Variants in XPR1 observed in about 807,000 individuals in gnomAD.
The protein encoded by XPR1 is xenotropic and polytropic retrovirus receptor 1.
In XPR1, 28 loss-of-function variants were observed where a neutral mutation model predicts 87.5. The observed-to-expected ratio is 0.32, with a 90% confidence interval of 0.24 to 0.44. XPR1 has a LOEUF of 0.44. XPR1 is among the 20% of genes least tolerant of loss of function. The pLI is 1.00. For synonymous variants in XPR1, 300 were observed against 306.1 expected (o/e 0.98, Z 0.21); for missense variants, 559 against 862.3 (o/e 0.65, Z 4.41).
intron 7 of XPR1, among the ~76,000 whole-genome samples, chr1:180,817,925 A>C (rs984685001): frequency 1.3e-5 from 2 of 152,128 alleles, no homozygotes; most frequent in Non-Finnish European, 2.9e-5. Context: ...TGTAACACTT[A>C]AATTCAAAAA....
At chr1:180,669,343 G>A (rs1656074891) in intron 1 of XPR1, among the ~76,000 whole-genome samples, 1 of 151,928 alleles carries the variant, frequency 6.6e-6, no homozygotes, top group Admixed American at 6.6e-5. Context: ...TATTCTGATG[G>A]TCTGTCTTTA....
In XPR1 at chr1:180,703,062, G is replaced by A. The variant is rs2101972340; in HGVS notation, c.121+20651G>A. On this transcript the variant is annotated intron_variant, in intron 2 of 14. Coordinates refer to ENST00000367590, the MANE Select transcript of XPR1 (RefSeq NM_004736.4). ...TATGTAGCTTTAATTAGTGTCAGTG[G>A]TATCTATGAGTTTCTCATTGGCTTA... is the stretch of plus-strand genomic sequence containing the variant. 1.3e-5 allele frequency among the ~76,000 whole-genome samples: 2 copies of A among 152,272 alleles called. 1 individual carries two copies. The highest frequency in any genetic ancestry group is 4.1e-4 in the South Asian group (2 of 4,828).
chr1:180,797,610 T>C (rs1649634825), intron 3 of XPR1, among the ~76,000 whole-genome samples: 1 of 152,236 alleles, frequency 6.6e-6, no homozygotes, highest in Non-Finnish European at 1.5e-5. Flanking sequence ...ACTAATCTTT[T>C]AACAATTAAA....
intron 11 of XPR1, among the ~76,000 whole-genome samples, chr1:180,852,746 C>T (rs1256681091): frequency 6.6e-6 from 1 of 152,096 alleles, no homozygotes; most frequent in Non-Finnish European, 1.5e-5. Flanking sequence ...GGTGAGGTCT[C>T]CAACTCCTGG....
chr1:180,836,852 C>A, intron 11 of XPR1, 136 bp downstream of exon 11: 2 of 1,007,342 alleles, frequency 2.0e-6, no homozygotes, highest in Non-Finnish European at 1.4e-6. Flanking sequence ...TCAGTTATAT[C>A]AGTTTGTTCT....
intron 1 of XPR1, among the ~76,000 whole-genome samples, chr1:180,643,050 T>C (rs1262079265): frequency 1.3e-5 from 2 of 152,108 alleles, no homozygotes; most frequent in African/African-American, 4.8e-5. Flanking sequence ...CTGGGAGGGA[T>C]GAAAGACTGA....
intron 2 of XPR1, among the ~76,000 whole-genome samples, chr1:180,702,781 C>G (rs936876938): frequency 4.0e-5 from 6 of 151,656 alleles, no homozygotes; most frequent in Non-Finnish European, 8.8e-5. Flanking sequence ...TCATAAATTT[C>G]TCTTTTTTGG....
chr1:180,821,308 AT>A (rs764601582), intron 7 of XPR1, among the ~76,000 whole-genome samples: 10 of 152,208 alleles, frequency 6.6e-5, no homozygotes, highest in African/African-American at 9.6e-5. Context: ...TGAAGAGAAT[AT>A]TCTTTTCCAC....
At chr1:180,667,436 T>C (rs1656001187) in intron 1 of XPR1, among the ~76,000 whole-genome samples, 1 of 152,254 alleles carries the variant, frequency 6.6e-6, no homozygotes, top group Non-Finnish European at 1.5e-5. Flanking sequence ...ACAGGAATTA[T>C]TTCAGTAATA....
At chr1:180,648,506 A>G (rs1057369519) in intron 1 of XPR1, among the ~76,000 whole-genome samples, 1 of 152,140 alleles carries the variant, frequency 6.6e-6, no homozygotes. Context: ...AAACCTGAGA[A>G]ATCTGATTTT....
chr1:180,724,807 T>C (rs1428091118), intron 2 of XPR1, among the ~76,000 whole-genome samples: 1 of 152,246 alleles, frequency 6.6e-6, no homozygotes, highest in Admixed American at 6.5e-5. Context: ...GCTTTAATAT[T>C]TCCTCAGTTA....
intron 6 of XPR1, among the ~76,000 whole-genome samples, chr1:180,808,357 A>G (rs767935579): frequency 4.6e-5 from 7 of 152,094 alleles, no homozygotes; most frequent in Non-Finnish European, 1.0e-4. Flanking sequence ...ATAGATCTAA[A>G]TGAAAACTGG....
chr1:180,743,657 A>G (rs1209961162), intron 2 of XPR1, among the ~76,000 whole-genome samples: 4 of 152,120 alleles, frequency 2.6e-5, no homozygotes, highest in Non-Finnish European at 5.9e-5. Flanking sequence ...AATTCCTTTA[A>G]CAATTTTTTT....
intron 2 of XPR1, among the ~76,000 whole-genome samples, chr1:180,766,388 A>T (rs1370016861): frequency 2.6e-5 from 4 of 152,212 alleles, no homozygotes. Flanking sequence ...AAGGAAAGAA[A>T]TGCTGAATCT....
chr1:180,806,981 A>G (rs777465747), intron 6 of XPR1, among the ~76,000 whole-genome samples: 15 of 152,214 alleles, frequency 9.9e-5, no homozygotes, highest in Non-Finnish European at 1.5e-4. Flanking sequence ...CTCAATAAAT[A>G]TAGAAGGATT....
At chr1:180,672,775 AC>A (rs1656227499) in intron 1 of XPR1, among the ~76,000 whole-genome samples, 1 of 151,942 alleles carries the variant, frequency 6.6e-6, no homozygotes, top group African/African-American at 2.4e-5. Flanking sequence ...CACATAATGC[AC>A]ATATTTAAAA....
In XPR1 at chr1:180,634,966, G is replaced by A. The variant is rs989620328; in HGVS notation, c.69+2696G>A. ...TTCTTCCATAAAGTAAGTATATAGG[G>A]CCAGAGCTTTTCAAGGTCCATTATA... On this transcript the variant is annotated intron_variant, in intron 1 of 14. Transcript: ENST00000367590. Among the ~76,000 whole-genome samples the A allele has an allele frequency of 7.2e-5, 11 of 152,012 alleles. No homozygotes were observed. In the South Asian group the frequency reaches 1.5e-3, roughly 20 times the overall value.
At chr1:180,879,197 C>G (rs1478492208) in intron 13 of XPR1, among the ~76,000 whole-genome samples, 1 of 152,218 alleles carries the variant, frequency 6.6e-6, no homozygotes, top group African/African-American at 2.4e-5. Context: ...CTTCTCATCA[C>G]TTCTGTTATT....
At chr1:180,732,614 T>TAG (rs1349705387) in intron 2 of XPR1, among the ~76,000 whole-genome samples, 5 of 152,148 alleles carry the variant, frequency 3.3e-5, no homozygotes, top group Non-Finnish European at 7.3e-5. Flanking sequence ...TGCTCAAACT[T>TAG]CTAGGGGAGC....
Sources: gnomAD v4.1 joint callset for allele counts (sites outside exome capture counted in the v4.1 genomes callset) on GRCh38, gnomAD v4.1.1 for gene constraint, MANE v1.5 for transcripts, NCBI Gene and HGNC (gene_info 2026-07-23, HGNC 2026-07-21) for gene names.